The following PCDHGA7 variants were observed in gnomAD, a reference collection of about 807,000 sequenced individuals.
PCDHGA7 encodes protocadherin gamma subfamily A, 7.
Under a neutral mutation model 58.3 loss-of-function variants are expected in PCDHGA7, and 44 were observed. The observed-to-expected ratio is 0.75, with a 90% CI of 0.59 to 0.97. The LOEUF (loss-of-function observed/expected upper bound fraction) is 0.97. Among genes scored for constraint, PCDHGA7 ranks in the 50% least tolerant of loss-of-function variants. The pLI is 0.00. For synonymous variants in PCDHGA7, 516 were observed against 504.2 expected (o/e 1.02, Z -0.31); for missense variants, 1,266 against 1,188.7 (o/e 1.06, Z -0.96).
intron 1 of PCDHGA7, chr5:141,423,750 T>TG (rs144521096): frequency 0.16 from 45,934 of 282,282 alleles, 1,791 homozygotes; most frequent in African/African-American, 0.37. Context: ...GAAAACTGTT[T>TG]GGGGGGGGGG....
chr5:141,401,672 T>A (rs1468956975), intron 1 of PCDHGA7, among the ~76,000 whole-genome samples: 1 of 152,222 alleles, frequency 6.6e-6, no homozygotes, highest in African/African-American at 2.4e-5. Context: ...CTCAACATCC[T>A]TGTAGGATGG....
In PCDHGA7 at chr5:141,490,274, A is replaced by G. The variant is rs1285515971; in HGVS notation, c.2425-4533A>G. The G allele has an allele frequency of 6.2e-7, 1 of 1,614,228 alleles. No individual in the cohort carries two copies. Among genetic ancestry groups the G allele is most frequent in the Non-Finnish European group, 8.5e-7 (1 of 1,180,038 alleles). On this transcript the variant is annotated intron_variant, in intron 1 of 3. Transcript: ENST00000518325. This position sits in a 1 kb window ranked among gnomAD's most constrained non-coding sequence, Gnocchi z 5.4. ...CAAGTGGATGTGGGGGATGTCAATGACAATGCCCCAGAGGTGCTATTGGCC... is the reference window on the plus strand; with the variant it reads ...CAAGTGGATGTGGGGGATGTCAATGGCAATGCCCCAGAGGTGCTATTGGCC...
chr5:141,472,980 C>CAAAAAAAAAAAAAAAAAAGAAAAAAA (rs60579131), intron 1 of PCDHGA7, among the ~76,000 whole-genome samples: 1 of 86,106 alleles, frequency 1.2e-5, no homozygotes, highest in South Asian at 4.3e-4. Flanking sequence ...GAGTGAAACT[C>CAAAAAAAAAAAAAAAAAAGAAAAAAA]AAAAAAAAAA....
chr5:141,504,705 T>C (rs960774850), intron 2 of PCDHGA7, among the ~76,000 whole-genome samples: 19 of 151,608 alleles, frequency 1.3e-4, no homozygotes, highest in Middle Eastern at 3.4e-3. Flanking sequence ...GGTTCTTCTA[T>C]GGCCGTGGAT....
chr5:141,427,628 G>A (rs1308356581), intron 1 of PCDHGA7: 2 of 700,966 alleles, frequency 2.9e-6, no homozygotes, highest in Admixed American at 2.0e-5. Flanking sequence ...ACAATGCTCC[G>A]GTTTTCCACC....
rs753406812 is a variant in PCDHGA7 at position 141,384,297 on chromosome 5, C to A, written c.1398C>A (p.Pro466=). The A allele has an allele frequency of 1.2e-6, 2 of 1,613,848 alleles. No individual in the cohort carries two copies. Among genetic ancestry groups the A allele is most frequent in the South Asian group, 2.2e-5 (2 of 91,084 alleles). Residue 466 remains proline (P), a synonymous_variant, in exon 1 of 4, where the codon CCC becomes CCA. Transcript: ENST00000518325. ...CAGTCTACATCGCTGAGAACAACCC[C>A]AGAGGGGCCTCCATTTTCTTAGTGA... ...SYSVYIAENN[P]RGASIFLVTA...
intron 1 of PCDHGA7, among the ~76,000 whole-genome samples, chr5:141,464,885 G>T (rs1592925315): frequency 6.6e-6 from 1 of 152,020 alleles, no homozygotes; most frequent in East Asian, 1.9e-4. Flanking sequence ...ACTACAGATG[G>T]ATGCCACCAT....
At chr5:141,419,331 T>G (rs2096361475) in intron 1 of PCDHGA7, 2 of 1,613,840 alleles carry the variant, frequency 1.2e-6, no homozygotes, top group Non-Finnish European at 8.5e-7. Flanking sequence ...TCCTACTCTC[T>G]CATTGCCAGC....
chr5:141,428,013 C>T, intron 1 of PCDHGA7: 4 of 1,603,660 alleles, frequency 2.5e-6, no homozygotes, highest in Non-Finnish European at 3.4e-6. Flanking sequence ...CGATATAGTG[C>T]CACGCGCCGC....
intron 1 of PCDHGA7, chr5:141,403,391 G>C (rs1182066905): frequency 6.2e-7 from 1 of 1,614,046 alleles, no homozygotes; most frequent in East Asian, 2.2e-5. Flanking sequence ...CGAAATCGCG[G>C]TTCCTGGAGC....
At chr5:141,472,022 T>A (rs949257396) in intron 1 of PCDHGA7, among the ~76,000 whole-genome samples, 6 of 152,176 alleles carry the variant, frequency 3.9e-5, no homozygotes, top group African/African-American at 1.4e-4. Context: ...CTATATTGTA[T>A]GTAGAAAGCT....
In PCDHGA7 at chr5:141,477,813, A is replaced by T; in HGVS notation, c.2425-16994A>T. ...ACTGATCGCAATGACAATGCCCCCC[A>T]GGTCCTATATCCTCGGCCAGGTGGG... On this transcript the variant is annotated intron_variant, in intron 1 of 3. Coordinates refer to ENST00000518325, the MANE Select transcript of PCDHGA7 (RefSeq NM_018920.4). The surrounding 1 kb of genome is among the most constrained non-coding windows in gnomAD (Gnocchi z 4.9). The T allele has an allele frequency of 6.2e-7, 1 of 1,614,122 alleles. No homozygotes were observed. The highest frequency in any genetic ancestry group is 1.1e-5 in the South Asian group (1 of 91,084).
At chr5:141,420,036 G>A (rs1370492350) in intron 1 of PCDHGA7, 1 of 1,614,078 alleles carries the variant, frequency 6.2e-7, no homozygotes. Flanking sequence ...GCAGGAGACT[G>A]CTTTGAGTCA....
chr5:141,410,797 CTCTA>C (rs375585060), intron 1 of PCDHGA7: 18 of 676,000 alleles, frequency 2.7e-5, no homozygotes, highest in Middle Eastern at 9.7e-4. Context: ...TCATAAGTTG[CTCTA>C]TCTTTTTGTA....
chr5:141,388,212 G>C, intron 1 of PCDHGA7: 3 of 1,590,850 alleles, frequency 1.9e-6, no homozygotes, highest in Non-Finnish European at 2.6e-6. Flanking sequence ...TGAGGCTGTT[G>C]CTGAAAATCC....
At chr5:141,408,392 C>G in intron 1 of PCDHGA7, 1 of 1,614,002 alleles carries the variant, frequency 6.2e-7, no homozygotes, top group South Asian at 1.1e-5. Context: ...TGTGTCGGCT[C>G]GCAAGCTGCG....
At chr5:141,420,268 T>C (rs375162019) in intron 1 of PCDHGA7, 254 of 1,543,666 alleles carry the variant, frequency 1.6e-4, no homozygotes, top group Non-Finnish European at 2.1e-4. Context: ...AGAAGATTCT[T>C]AAACAGGTAA....
chr5:141,469,595 CAAAAT>C (rs919167679), intron 1 of PCDHGA7, among the ~76,000 whole-genome samples: 3 of 151,998 alleles, frequency 2.0e-5, no homozygotes, highest in Admixed American at 6.6e-5. Context: ...ATAAATAAAA[CAAAAT>C]AAGTAAAATA....
chr5:141,473,848 A>T (rs1281010822), intron 1 of PCDHGA7, among the ~76,000 whole-genome samples: 1 of 152,198 alleles, frequency 6.6e-6, no homozygotes, highest in Non-Finnish European at 1.5e-5. Flanking sequence ...TTTTAGGAAG[A>T]TGAACCTCGC....
Sources: allele counts gnomAD v4.1 joint callset (sites outside exome capture counted in the v4.1 genomes callset), GRCh38; gene constraint gnomAD v4.1.1; non-coding constraint Gnocchi (gnomAD v3.1); transcripts MANE v1.5; gene names NCBI Gene and HGNC (gene_info 2026-07-23, HGNC 2026-07-21).